Variants in DOCK4 observed in about 807,000 individuals in gnomAD.
DOCK4 encodes the protein dedicator of cytokinesis protein 4.
In DOCK4, 97 loss-of-function variants were observed where a neutral mutation model predicts 268.1. The observed-to-expected ratio is 0.36, with a 90% CI of 0.31 to 0.43. DOCK4 has a LOEUF of 0.43. DOCK4 is among the 20% of genes least tolerant of loss of function. The probability of loss-of-function intolerance (pLI) is 1.00; values close to 1 mark genes in which losing one functional copy is unlikely to be tolerated. For missense variants in DOCK4, 2,145 were observed against 2,455.7 expected, an observed-to-expected ratio of 0.87 and a Z score of 2.67; for synonymous variants, 954 against 887.2, an observed-to-expected ratio of 1.08 and a Z score of -1.34.
At chr7:112,161,678 G>C (rs982013482) in intron 1 of DOCK4, among the ~76,000 whole-genome samples, 1 of 152,168 alleles carries the variant, frequency 6.6e-6, no homozygotes, top group Admixed American at 6.5e-5. Context: ...CTTTACTTAT[G>C]GAAGGAAGGT....
At chr7:111,908,316 C>T (rs940116803) in intron 13 of DOCK4, among the ~76,000 whole-genome samples, 3 of 151,488 alleles carry the variant, frequency 2.0e-5, no homozygotes, top group African/African-American at 4.8e-5. Context: ...GGCATGGTGG[C>T]GGGCGCCTGT....
intron 37 of DOCK4, 43 bp from the exon 38 acceptor site, chr7:111,767,161 T>A (rs766496477): frequency 1.3e-6 from 2 of 1,530,542 alleles, no homozygotes; most frequent in East Asian, 4.5e-5. Flanking sequence ...TCTGACAATA[T>A]CCACTTACTT....
At chr7:111,913,366 T>C (rs1348757440) in intron 13 of DOCK4, among the ~76,000 whole-genome samples, 2 of 151,818 alleles carry the variant, frequency 1.3e-5, no homozygotes, top group Non-Finnish European at 2.9e-5. Context: ...GCCCAGGGAT[T>C]AGAGACCAGC....
chr7:111,858,257 C>A lies in DOCK4; in HGVS notation c.2473+5115G>T, dbSNP rs921619349. 2.0e-5 allele frequency among the ~76,000 whole-genome samples: 3 copies of A among 152,218 alleles called. No homozygotes were observed. The South Asian group carries it at 6.2e-4, about 32-fold the overall frequency. On this transcript the variant is annotated intron_variant, in intron 23 of 52. Coordinates refer to ENST00000428084, the MANE Select transcript of DOCK4 (RefSeq NM_001363540.2). ...GTGTTAATTTCTACTCTAAGCTCAA[C>A]CATGACTATTCTGCAGCCATGCTTC...
intron 1 of DOCK4, among the ~76,000 whole-genome samples, chr7:112,199,504 A>G (rs879566502): frequency 3.9e-5 from 6 of 152,112 alleles, no homozygotes; most frequent in Non-Finnish European, 8.8e-5. Flanking sequence ...AATTTTTTTT[A>G]AATGCCAGAG....
intron 8 of DOCK4, among the ~76,000 whole-genome samples, chr7:111,956,390 C>T (rs191411017): frequency 1.9e-4 from 29 of 152,190 alleles, no homozygotes; most frequent in African/African-American, 6.7e-4. Context: ...TATAATAAAT[C>T]GTTCATGCAT....
At chr7:111,998,340 T>C (rs1800135817) in intron 4 of DOCK4, 108 bp downstream of exon 4, 10 of 854,460 alleles carry the variant, frequency 1.2e-5, no homozygotes, top group Non-Finnish European at 1.7e-5. Flanking sequence ...GACAATGGTA[T>C]GATCTTCTAC....
At position 111,998,467 on chromosome 7, in the gene DOCK4, C is replaced by T; in HGVS notation, c.199G>A (p.Ala67Thr). The T allele has an allele frequency of 6.3e-7, 1 of 1,590,042 alleles. No individual in the cohort carries two copies. Among genetic ancestry groups the T allele is most frequent in the Admixed American group, 1.8e-5 (1 of 57,114 alleles). Residue 67 changes from alanine (A) to threonine (T), a missense_variant, in exon 4 of 53, where the codon GCC becomes ACC. By Grantham distance (58) the Ala-to-Thr change is moderately conservative. Coordinates refer to ENST00000428084, the MANE Select transcript of DOCK4 (RefSeq NM_001363540.2). ...FPSSYVHLKN[A>T]CVKNKGQFEM... ...TCTTACCCTTTGTTCTTTACACAGG[C>T]ATTTTTCAAGTGAACGTAGCTGGAA...
intron 12 of DOCK4, among the ~76,000 whole-genome samples, chr7:111,927,771 C>T (rs2134642414): frequency 6.6e-6 from 1 of 152,236 alleles, no homozygotes; most frequent in African/African-American, 2.4e-5. Flanking sequence ...GTTCAGGACA[C>T]ATTACCCTAA....
chr7:112,165,563 T>TGTGC (rs1554467833), intron 1 of DOCK4, among the ~76,000 whole-genome samples: 3 of 136,230 alleles, frequency 2.2e-5, no homozygotes, highest in Non-Finnish European at 5.0e-5. Context: ...TGTGTGTGCG[T>TGTGC]GTGTGTGTGT....
intron 1 of DOCK4, among the ~76,000 whole-genome samples, chr7:112,010,450 C>T (rs929146691): frequency 5.3e-5 from 8 of 152,176 alleles, no homozygotes; most frequent in Admixed American, 3.9e-4. Flanking sequence ...TATTCCTTAC[C>T]GCTGGGAACT....
intron 1 of DOCK4, among the ~76,000 whole-genome samples, chr7:112,139,830 A>T (rs1029053354): frequency 6.6e-6 from 1 of 152,186 alleles, no homozygotes; most frequent in Non-Finnish European, 1.5e-5. Context: ...AGATATTAGC[A>T]TGCCACAGAC....
In DOCK4 at chr7:111,895,854, A is replaced by C. The variant is rs778910784; in HGVS notation, c.1481-136T>G. ...CACAATGCAGCACAGCTTTTCTGAT[A>C]GGCCATCTATATAGAGCAGCCACCC... On this transcript the variant is annotated intron_variant, in intron 15 of 52. Transcript: ENST00000428084. 2.1e-4 allele frequency: 165 copies of C among 771,724 alleles called. 1 individual carries two copies. Among genetic ancestry groups the C allele is most frequent in the Non-Finnish European group, 3.5e-4 (161 of 463,872 alleles). The allele number at this position is 771,724 out of a possible 1,614,324, so 47.8% of individuals were successfully genotyped here.
At chr7:112,128,556 T>C (rs891956208) in intron 1 of DOCK4, among the ~76,000 whole-genome samples, 2 of 152,202 alleles carry the variant, frequency 1.3e-5, no homozygotes, top group African/African-American at 2.4e-5. Flanking sequence ...GGAGACTTCA[T>C]TTTGTTCTGT....
chr7:111,958,143 T>C (rs1011813961), intron 8 of DOCK4, among the ~76,000 whole-genome samples: 2 of 152,196 alleles, frequency 1.3e-5, no homozygotes, highest in African/African-American at 2.4e-5. Context: ...GATCTCTTAA[T>C]GCTTTGCCTC....
intron 1 of DOCK4, among the ~76,000 whole-genome samples, chr7:112,156,403 A>G (rs900172217): frequency 6.6e-6 from 1 of 152,242 alleles, no homozygotes; most frequent in Non-Finnish European, 1.5e-5. Context: ...TTGGGGTTAC[A>G]TTATAATTTG....
chr7:111,952,133 C>T (rs1254964114), intron 8 of DOCK4, among the ~76,000 whole-genome samples: 4 of 149,584 alleles, frequency 2.7e-5, no homozygotes, highest in African/African-American at 9.8e-5. Flanking sequence ...AATAAACAAA[C>T]AAAACTGCAT....
chr7:111,874,745 T>A (rs77217098), intron 17 of DOCK4, among the ~76,000 whole-genome samples: 17 of 152,292 alleles, frequency 1.1e-4, no homozygotes, highest in African/African-American at 4.1e-4. Flanking sequence ...TGACCCCTAA[T>A]CCTCTGAACC....
intron 30 of DOCK4, among the ~76,000 whole-genome samples, chr7:111,807,274 T>C (rs1227460621): frequency 6.6e-6 from 1 of 152,112 alleles, no homozygotes; most frequent in African/African-American, 2.4e-5. Context: ...TAATGTCGAA[T>C]GCAATATGGA....
Sources: gnomAD v4.1 joint callset for allele counts (sites outside exome capture counted in the v4.1 genomes callset) on GRCh38, gnomAD v4.1.1 for gene constraint, MANE v1.5 for transcripts, NCBI Gene and HGNC (gene_info 2026-07-23, HGNC 2026-07-21) for gene names.